Variants in DYNLRB2 observed in about 807,000 individuals in gnomAD.
DYNLRB2 encodes dynein light chain roadblock-type 2, also known as bithoraxoid-like protein.
DYNLRB2 carries 14 observed loss-of-function variants against 12.6 expected under a neutral mutation model. The observed-to-expected ratio is 1.11, with a 90% CI of 0.73 to 1.73. The LOEUF (loss-of-function observed/expected upper bound fraction) is 1.73. Among genes scored for constraint, DYNLRB2 ranks in the 40% most tolerant of loss-of-function variants. The pLI is 0.00. For missense variants in DYNLRB2, 142 were observed against 117.7 expected, an observed-to-expected ratio of 1.21 and a Z score of -0.95; for synonymous variants, 53 against 37.0, an observed-to-expected ratio of 1.43 and a Z score of -1.57.
In DYNLRB2 at chr16:80,550,512, T is replaced by C. The variant is rs368189826; in HGVS notation, c.248-3T>C. 7.4e-6 allele frequency: 12 copies of C among 1,614,160 alleles called. No individual in the cohort carries two copies. In the African/African-American group the frequency reaches 1.2e-4, roughly 16 times the overall value. On this transcript the variant is annotated splice_region_variant and splice_polypyrimidine_tract_variant and intron_variant, in intron 3 of 3. Transcript: ENST00000305904. Reference sequence around the variant, plus strand: ...TGAATTGATTTTATCCATCTCTCCATAGATAAGGAATATCTTCTGATCGTC... The same window carrying C: ...TGAATTGATTTTATCCATCTCTCCACAGATAAGGAATATCTTCTGATCGTC...
chr16:80,541,927 T>C (rs1904291980), intron 1 of DYNLRB2, among the ~76,000 whole-genome samples: 1 of 152,208 alleles, frequency 6.6e-6, no homozygotes. Context: ...CATTCGTTGC[T>C]ACATAAGATG....
At chr16:80,548,726 CAA>C (rs5818303) in intron 2 of DYNLRB2, among the ~76,000 whole-genome samples, 206 of 128,306 alleles carry the variant, frequency 1.6e-3, no homozygotes, top group Non-Finnish European at 1.7e-3. Context: ...GACTCCGTCT[CAA>C]AAAAAAAAAA....
At chr16:80,544,529 G>T (rs913576533) in intron 2 of DYNLRB2, among the ~76,000 whole-genome samples, 5 of 152,156 alleles carry the variant, frequency 3.3e-5, no homozygotes, top group African/African-American at 7.2e-5. Context: ...CCTAGTACGT[G>T]GATCTGGTTG....
At chr16:80,540,849 C>T, upstream of DYNLRB2, 2 of 763,804 alleles carry the variant, frequency 2.6e-6, no homozygotes, top group South Asian at 1.5e-5. Flanking sequence ...ATTGGGCGAA[C>T]CTCAGGTGAG....
intron 1 of DYNLRB2, among the ~76,000 whole-genome samples, chr16:80,541,817 T>C (rs1231251804): frequency 6.6e-6 from 1 of 152,178 alleles, no homozygotes; most frequent in Admixed American, 6.5e-5. Flanking sequence ...TGTAAGAAGC[T>C]GTGGACATCG....
At chr16:80,546,255 A>G (rs997537917) in intron 2 of DYNLRB2, among the ~76,000 whole-genome samples, 6 of 152,224 alleles carry the variant, frequency 3.9e-5, no homozygotes, top group Non-Finnish European at 7.3e-5. Context: ...AGCATCATTT[A>G]TTTCAGTGCA....
chr16:80,540,876 C>G, upstream of DYNLRB2: 1 of 913,226 alleles, frequency 1.1e-6, no homozygotes, highest in Non-Finnish European at 1.8e-6. Context: ...CTCCCCTCTT[C>G]CGCGAACCTT....
At chr16:80,540,974 TG>T (rs1909288113), upstream of DYNLRB2, 1 of 1,572,892 alleles carries the variant, frequency 6.4e-7, no homozygotes, top group African/African-American at 1.4e-5. Context: ...GACGCTTCCG[TG>T]GGGCCACTTC....
At chr16:80,549,702 T>G (rs1326757978) in intron 3 of DYNLRB2, 51 bp downstream of exon 3, 6 of 1,522,846 alleles carry the variant, frequency 3.9e-6, no homozygotes, top group Non-Finnish European at 5.3e-6. Flanking sequence ...ATTTGCTAGA[T>G]TAAAAGCCTT....
upstream of DYNLRB2, chr16:80,540,966 C>T (rs1216134627): frequency 6.4e-7 from 1 of 1,561,536 alleles, no homozygotes; most frequent in Non-Finnish European, 8.7e-7. Context: ...GCAGCCCTGA[C>T]GCTTCCGTGG....
chr16:80,548,827 C>T, intron 2 of DYNLRB2: 1 of 416,356 alleles, frequency 2.4e-6, no homozygotes. Flanking sequence ...CTACAATATC[C>T]TTATTACCAC....
At chr16:80,547,803 T>G (rs1904572561) in intron 2 of DYNLRB2, 1 of 456,494 alleles carries the variant, frequency 2.2e-6, no homozygotes, top group African/African-American at 2.0e-5. Context: ...CTGACTGCCT[T>G]CCAGAGAAAA....
intron 1 of DYNLRB2, among the ~76,000 whole-genome samples, chr16:80,542,191 A>T (rs1567515716): frequency 6.6e-6 from 1 of 152,134 alleles, no homozygotes; most frequent in Non-Finnish European, 1.5e-5. Context: ...ATTTCTATTT[A>T]TGAGGAATAA....
At chr16:80,547,735 T>A (rs777472381) in intron 2 of DYNLRB2, 1 of 455,416 alleles carries the variant, frequency 2.2e-6, no homozygotes, top group South Asian at 1.6e-5. Flanking sequence ...GCTTGCTACG[T>A]TTCCATTTTC....
chr16:80,541,472 G>A, intron 1 of DYNLRB2: 1 of 851,666 alleles, frequency 1.2e-6, no homozygotes, highest in Non-Finnish European at 1.4e-6. Flanking sequence ...GGAAGAGGTG[G>A]GACAGGGAAA....
At chr16:80,543,602 A>G (rs184768018) in intron 2 of DYNLRB2, among the ~76,000 whole-genome samples, 3 of 152,188 alleles carry the variant, frequency 2.0e-5, no homozygotes, top group East Asian at 1.9e-4. Context: ...AGCACTATAC[A>G]TTGTTTACTT....
chr16:80,546,005 G>A (rs12445674), intron 2 of DYNLRB2, among the ~76,000 whole-genome samples: 91,993 of 152,010 alleles, frequency 0.61, 30,989 homozygotes, highest in East Asian at 0.83. Flanking sequence ...CCTCTAATAG[G>A]ATAAGTTTGT....
chr16:80,548,191 TA>T (rs1220308607), intron 2 of DYNLRB2: 1 of 167,492 alleles, frequency 6.0e-6, no homozygotes, highest in Non-Finnish European at 1.3e-5. Context: ...CCTCCTAAAA[TA>T]AAAGCACATT....
chr16:80,548,726 CAAAAA>C (rs5818303), intron 2 of DYNLRB2, among the ~76,000 whole-genome samples: 1 of 128,332 alleles, frequency 7.8e-6, no homozygotes. Context: ...GACTCCGTCT[CAAAAA>C]AAAAAAAAAA....
Sources: gnomAD v4.1 joint callset for allele counts (sites outside exome capture counted in the v4.1 genomes callset) on GRCh38, gnomAD v4.1.1 for gene constraint, MANE v1.5 for transcripts, NCBI Gene and HGNC (gene_info 2026-07-23, HGNC 2026-07-21) for gene names.